The following EEF1AKMT1 variants were observed in gnomAD, a reference collection of about 807,000 sequenced individuals.
EEF1AKMT1 encodes the protein N-6 adenine-specific DNA methyltransferase 2 (putative).
A neutral mutation model predicts 21.0 loss-of-function variants in EEF1AKMT1; 18 were observed. The observed-to-expected ratio is 0.86, with a 90% confidence interval of 0.59 to 1.27. The LOEUF (loss-of-function observed/expected upper bound fraction) is 1.27. EEF1AKMT1 is among the 50% of genes most tolerant of loss of function. The pLI, the probability that EEF1AKMT1 is intolerant of heterozygous loss-of-function variation, is 0.00. For synonymous variants in EEF1AKMT1, 109 were observed against 94.8 expected, an observed-to-expected ratio of 1.15 and a Z score of -0.87; for missense variants, 246 against 258.6, an observed-to-expected ratio of 0.95 and a Z score of 0.33.
At chr13:20,757,760 C>T (rs999861422) in intron 1 of EEF1AKMT1, 143 bp from the exon 2 acceptor site, 2 of 685,632 alleles carry the variant, frequency 2.9e-6, no homozygotes, top group Non-Finnish European at 4.7e-6. Flanking sequence ...AATTCTAAGC[C>T]CCCCAGCCAA....
At chr13:20,759,901 G>A (rs1158155197) in intron 1 of EEF1AKMT1, among the ~76,000 whole-genome samples, 1 of 152,134 alleles carries the variant, frequency 6.6e-6, no homozygotes, top group Non-Finnish European at 1.5e-5. Flanking sequence ...TCAGGAGATT[G>A]AAACCATCCT....
At chr13:20,761,813 C>T (rs1434680246) in intron 1 of EEF1AKMT1, among the ~76,000 whole-genome samples, 1 of 152,212 alleles carries the variant, frequency 6.6e-6, no homozygotes, top group African/African-American at 2.4e-5. Flanking sequence ...AGATCTAATT[C>T]ATATACCATA....
chr13:20,762,600 A>G (rs1456697251), intron 1 of EEF1AKMT1, among the ~76,000 whole-genome samples: 1 of 151,970 alleles, frequency 6.6e-6, no homozygotes, highest in Non-Finnish European at 1.5e-5. Flanking sequence ...TGCAGCCACA[A>G]CCTTCTGGGC....
chr13:20,734,245 A>C (rs61240377), intron 3 of EEF1AKMT1, among the ~76,000 whole-genome samples: 5,994 of 152,334 alleles, frequency 0.039, 417 homozygotes, highest in African/African-American at 0.14. Flanking sequence ...ATCCACCTGA[A>C]GGATGTACTT....
intron 2 of EEF1AKMT1, among the ~76,000 whole-genome samples, chr13:20,745,643 G>A (rs2058899450): frequency 6.6e-6 from 1 of 152,154 alleles, no homozygotes; most frequent in Non-Finnish European, 1.5e-5. Flanking sequence ...GAGGTCAGGA[G>A]TTCAAGACCA....
At chr13:20,763,635 TA>T (rs1275421297) in intron 1 of EEF1AKMT1, among the ~76,000 whole-genome samples, 1 of 152,094 alleles carries the variant, frequency 6.6e-6, no homozygotes, top group East Asian at 1.9e-4. Context: ...GCATTTTTAG[TA>T]GAGATGGAGT....
intron 1 of EEF1AKMT1, among the ~76,000 whole-genome samples, chr13:20,758,916 G>A (rs2058984842): frequency 6.6e-6 from 1 of 152,160 alleles, no homozygotes; most frequent in African/African-American, 2.4e-5. Context: ...AATAAACAAT[G>A]GGGAAAGGAT....
At chr13:20,735,041 G>A (rs2058818517) in intron 3 of EEF1AKMT1, among the ~76,000 whole-genome samples, 1 of 152,094 alleles carries the variant, frequency 6.6e-6, no homozygotes, top group African/African-American at 2.4e-5. Context: ...AAAAACCAAA[G>A]GGCATGTCAG....
chr13:20,762,335 T>TGCCACC (rs2059005591), intron 1 of EEF1AKMT1, among the ~76,000 whole-genome samples: 2 of 151,704 alleles, frequency 1.3e-5, no homozygotes, highest in African/African-American at 4.8e-5. Context: ...TACAGGCACC[T>TGCCACC]GCCACCACGC....
Position 20,762,971 on chromosome 13 carries a change from C to T in EEF1AKMT1, c.-19-5354G>A, listed in dbSNP as rs2059008547. On this transcript the variant is annotated intron_variant, in intron 1 of 4. Transcript: ENST00000382758. Reference sequence around the variant, plus strand: ...TCATGATATAAATTAAACTGATTATCTATTAAACCAGTCTCACATTCCTGG... The same window carrying T: ...TCATGATATAAATTAAACTGATTATTTATTAAACCAGTCTCACATTCCTGG... Among the ~76,000 whole-genome samples the T allele has an allele frequency of 3.9e-5, 6 of 152,200 alleles. 1 individual carries two copies.
At chr13:20,739,336 C>G (rs182518081) in intron 2 of EEF1AKMT1, among the ~76,000 whole-genome samples, 115 of 152,324 alleles carry the variant, frequency 7.5e-4, no homozygotes, top group African/African-American at 2.4e-3. Context: ...GCATGGAAGG[C>G]AACCCAAGAG....
intron 1 of EEF1AKMT1, among the ~76,000 whole-genome samples, chr13:20,764,880 A>ACACACACACACACACACAC: frequency 7.1e-6 from 1 of 139,902 alleles, no homozygotes; most frequent in African/African-American, 2.7e-5. Flanking sequence ...TTTCACTTTC[A>ACACACACACACACACACAC]ACACACACAC....
Position 20,729,092 on chromosome 13 carries a change from G to C in EEF1AKMT1, c.633C>G (p.Asp211Glu). The change falls in exon 5 of 5, where the codon GAC (aspartate) becomes GAG (glutamate). Residue 211 changes from aspartate to glutamate, a missense_variant. Transcript: ENST00000382758. ...RCYVNYDSGL[D>E]CGI ...TCACCGTCTGTAATCAGATCCCACA[G>C]TCCAGCCCAGAATCATAATTCACAT... The C allele has an allele frequency of 6.2e-7, 1 of 1,614,180 alleles. No individual in the cohort carries two copies. The highest frequency in any genetic ancestry group is 1.1e-5 in the South Asian group (1 of 91,084).
At chr13:20,770,467 TGAATA>T (rs1420701151) in intron 1 of EEF1AKMT1, among the ~76,000 whole-genome samples, 2 of 152,118 alleles carry the variant, frequency 1.3e-5, no homozygotes, top group Non-Finnish European at 2.9e-5. Context: ...ATGCTTGAAA[TGAATA>T]GTTCTAGTTT....
chr13:20,767,830 TTCTTTC>T (rs1221255250), intron 1 of EEF1AKMT1, among the ~76,000 whole-genome samples: 1 of 152,208 alleles, frequency 6.6e-6, no homozygotes, highest in African/African-American at 2.4e-5. Flanking sequence ...CATTTTAAAC[TTCTTTC>T]TCTTTGTATT....
At chr13:20,744,200 T>C (rs911669472) in intron 2 of EEF1AKMT1, among the ~76,000 whole-genome samples, 2 of 152,164 alleles carry the variant, frequency 1.3e-5, no homozygotes, top group African/African-American at 2.4e-5. Context: ...ATCCTTTGGG[T>C]ATATGCCTAG....
intron 3 of EEF1AKMT1, among the ~76,000 whole-genome samples, chr13:20,737,434 A>T (rs1055276173): frequency 1.8e-4 from 27 of 152,362 alleles, no homozygotes; most frequent in African/African-American, 6.0e-4. Flanking sequence ...ATATTCTTAA[A>T]ACTTCAAAAA....
At chr13:20,762,473 A>C (rs2059006191) in intron 1 of EEF1AKMT1, among the ~76,000 whole-genome samples, 1 of 151,162 alleles carries the variant, frequency 6.6e-6, no homozygotes, top group Non-Finnish European at 1.5e-5. Flanking sequence ...ACAGGCATGA[A>C]CCATCGTGCC....
chr13:20,772,782 T>C (rs2059069018), intron 1 of EEF1AKMT1, among the ~76,000 whole-genome samples: 1 of 152,212 alleles, frequency 6.6e-6, no homozygotes, highest in African/African-American at 2.4e-5. Context: ...AGCTGGCTTC[T>C]CAGGGGCTGT....
Sources: allele counts gnomAD v4.1 joint callset (sites outside exome capture counted in the v4.1 genomes callset), GRCh38; gene constraint gnomAD v4.1.1; transcripts MANE v1.5; gene names NCBI Gene and HGNC (gene_info 2026-07-23, HGNC 2026-07-21).